NCAM2: variants seen among roughly 807,000 people sequenced by gnomAD.
NCAM2 encodes the protein neural cell adhesion molecule 2.
Under a neutral mutation model 98.1 loss-of-function variants are expected in NCAM2, and 30 were observed. That is an observed-to-expected ratio of 0.31 (90% CI 0.23 to 0.41). The LOEUF is 0.41. Among genes scored for constraint, NCAM2 ranks in the 10% least tolerant of loss-of-function variants. NCAM2 has a pLI of 1.00. For synonymous variants in NCAM2, 368 were observed against 342.4 expected, an observed-to-expected ratio of 1.07 and a Z score of -0.83; for missense variants, 867 against 1,005.8, an observed-to-expected ratio of 0.86 and a Z score of 1.87.
At chr21:21,228,403 G>T (rs73316756) in intron 1 of NCAM2, among the ~76,000 whole-genome samples, 2,942 of 151,370 alleles carry the variant, frequency 0.019, 97 homozygotes, top group African/African-American at 0.068. Flanking sequence ...AATTTGTGTT[G>T]TTTGTTATTG....
Position 21,467,937 on chromosome 21 carries a change from G to T in NCAM2, c.1775-725G>T, listed in dbSNP as rs556839021. On this transcript the variant is annotated intron_variant, in intron 13 of 17. Transcript: ENST00000400546. ...TGAGAAGAAATAACAGGTCATGCCG[G>T]TTTAGAGATATGAAATCCTTTTCAG... 5.3e-5 allele frequency among the ~76,000 whole-genome samples: 8 copies of T among 152,074 alleles called. No homozygotes were observed. The East Asian group carries it at 1.5e-3, about 29-fold the overall frequency.
At chr21:21,024,345 A>G (rs1383379745) in intron 1 of NCAM2, among the ~76,000 whole-genome samples, 1 of 152,214 alleles carries the variant, frequency 6.6e-6, no homozygotes, top group Non-Finnish European at 1.5e-5. Context: ...CCCCTGGAAC[A>G]AAGGAGATGG....
At chr21:21,120,699 GTTTA>G (rs980939456) in intron 1 of NCAM2, among the ~76,000 whole-genome samples, 8 of 147,358 alleles carry the variant, frequency 5.4e-5, no homozygotes, top group East Asian at 4.1e-4. Flanking sequence ...AAAAATTGAT[GTTTA>G]TTTATTTTTT....
intron 1 of NCAM2, among the ~76,000 whole-genome samples, chr21:21,245,695 T>C (rs954087541): frequency 2.0e-5 from 3 of 152,222 alleles, no homozygotes; most frequent in Non-Finnish European, 2.9e-5. Flanking sequence ...ATAAACTGTT[T>C]GTTTCATAAT....
chr21:21,206,929 T>C (rs1457892158), intron 1 of NCAM2, among the ~76,000 whole-genome samples: 1 of 152,106 alleles, frequency 6.6e-6, no homozygotes, highest in Admixed American at 6.6e-5. Flanking sequence ...TGTAAGCAAA[T>C]AATTTGCCCA....
chr21:21,499,140 T>A (rs1393458288), intron 15 of NCAM2, among the ~76,000 whole-genome samples: 1 of 152,202 alleles, frequency 6.6e-6, no homozygotes, highest in Non-Finnish European at 1.5e-5. Context: ...TTTTAAAAAC[T>A]TGTTGATTCT....
chr21:21,298,358 C>T (rs1185978567), intron 5 of NCAM2, among the ~76,000 whole-genome samples: 1 of 137,408 alleles, frequency 7.3e-6, no homozygotes, highest in Non-Finnish European at 1.6e-5. Context: ...TAGTTTGTAA[C>T]AATGTTATAT....
At chr21:21,534,367 T>C (rs940312987) in intron 16 of NCAM2, among the ~76,000 whole-genome samples, 170 bp from the exon 17 acceptor site, 7 of 152,086 alleles carry the variant, frequency 4.6e-5, no homozygotes, top group Non-Finnish European at 8.8e-5. Context: ...AGTGATAATA[T>C]ATGGTGAAAC....
intron 5 of NCAM2, among the ~76,000 whole-genome samples, chr21:21,313,476 G>T (rs2099975): frequency 0.74 from 112,133 of 151,724 alleles, 41,561 homozygotes; most frequent in South Asian, 0.83. Context: ...AATTTCATTT[G>T]TTCTGAAACC....
At chr21:21,385,395 C>CACACACACACACAT (rs141149066) in intron 9 of NCAM2, among the ~76,000 whole-genome samples, 8,346 of 150,614 alleles carry the variant, frequency 0.055, 292 homozygotes, top group East Asian at 0.15. Context: ...CACACACACA[C>CACACACACACACAT]ACACGCACAC....
At chr21:21,520,512 T>A (rs552241678) in intron 16 of NCAM2, among the ~76,000 whole-genome samples, 10 of 152,198 alleles carry the variant, frequency 6.6e-5, no homozygotes, top group Non-Finnish European at 5.9e-5. Context: ...ACTGAAGAAA[T>A]ATGTATGAAA....
chr21:21,314,109 C>T (rs1286931236), intron 5 of NCAM2, among the ~76,000 whole-genome samples: 6 of 151,852 alleles, frequency 4.0e-5, no homozygotes, highest in African/African-American at 9.7e-5. Flanking sequence ...AGATATTTAC[C>T]GTTTGTAACT....
intron 1 of NCAM2, among the ~76,000 whole-genome samples, chr21:21,096,306 G>A (rs1453987161): frequency 6.6e-6 from 1 of 151,298 alleles, no homozygotes; most frequent in Non-Finnish European, 1.5e-5. Context: ...AGATATTAAC[G>A]ATCTCTGAAA....
At chr21:21,315,561 C>G (rs1228944512) in intron 5 of NCAM2, among the ~76,000 whole-genome samples, 2 of 152,182 alleles carry the variant, frequency 1.3e-5, no homozygotes, top group Non-Finnish European at 2.9e-5. Flanking sequence ...AATGTCATCT[C>G]TCAGAGAATT....
intron 16 of NCAM2, among the ~76,000 whole-genome samples, chr21:21,514,743 T>C (rs1988614610): frequency 6.6e-6 from 1 of 152,180 alleles, no homozygotes; most frequent in Non-Finnish European, 1.5e-5. Context: ...ATTTTAGTAA[T>C]TGAAAATGTC....
chr21:21,117,623 TAAGTA>T (rs1480633647), intron 1 of NCAM2, among the ~76,000 whole-genome samples: 1 of 152,208 alleles, frequency 6.6e-6, no homozygotes, highest in Non-Finnish European at 1.5e-5. Flanking sequence ...AAAATCATGC[TAAGTA>T]AAATAAGCCA....
intron 8 of NCAM2, among the ~76,000 whole-genome samples, chr21:21,342,753 T>A (rs2075078826): frequency 6.6e-6 from 1 of 152,246 alleles, no homozygotes; most frequent in African/African-American, 2.4e-5. Flanking sequence ...ACAATCATAT[T>A]GTAGATAAGT....
intron 1 of NCAM2, among the ~76,000 whole-genome samples, chr21:21,084,518 A>G (rs1355920851): frequency 1.3e-5 from 2 of 152,192 alleles, no homozygotes; most frequent in Non-Finnish European, 2.9e-5. Context: ...AAATTTTGTC[A>G]TTTCAAAAAT....
rs575527715 is a variant in NCAM2, at chr21:21,290,678, A to T, written c.482-1426A>T. Among the ~76,000 whole-genome samples, 11 of 151,920 alleles carry T rather than the reference A, an allele frequency of 7.2e-5. No homozygotes were observed. The East Asian group carries it at 1.9e-3, about 27-fold the overall frequency. ...ATTTTCACTTTGGGGGAGCCTCTGAATCTGTGCATTTTCACCCCTGATTAG... is the reference window on the plus strand; with the variant it reads ...ATTTTCACTTTGGGGGAGCCTCTGATTCTGTGCATTTTCACCCCTGATTAG... On this transcript the variant is annotated intron_variant, in intron 4 of 17. Coordinates refer to ENST00000400546, the MANE Select transcript of NCAM2 (RefSeq NM_004540.5).
Sources: gnomAD v4.1 joint callset for allele counts (sites outside exome capture counted in the v4.1 genomes callset) on GRCh38, gnomAD v4.1.1 for gene constraint, MANE v1.5 for transcripts, NCBI Gene and HGNC (gene_info 2026-07-23, HGNC 2026-07-21) for gene names.